Variants in TENM1 observed in about 807,000 individuals in gnomAD.
TENM1 encodes the protein teneurin-1.
A neutral mutation model predicts 174.8 loss-of-function variants in TENM1; 35 were observed. The ratio of observed to expected loss-of-function variants is 0.20; its 90% CI spans 0.15 to 0.27. The LOEUF (loss-of-function observed/expected upper bound fraction) is 0.27. Among genes scored for constraint, TENM1 ranks in the 10% least tolerant of loss-of-function variants. TENM1 has a pLI of 1.00. For missense variants in TENM1, 1,633 were observed against 2,130.1 expected (o/e 0.77, Z 4.59); for synonymous variants, 781 against 798.7 (o/e 0.98, Z 0.37).
At chrX:125,052,159 A>C in the TENM1 span, among the ~76,000 whole-genome samples, 2 of 111,936 alleles carry the variant, frequency 1.8e-5, no homozygotes, top group Non-Finnish European at 3.8e-5. Flanking sequence ...GTAGAATCTT[A>C]AAAGTGACAG....
the TENM1 span, among the ~76,000 whole-genome samples, chrX:125,198,110 T>C: frequency 4.5e-5 from 5 of 112,188 alleles, no homozygotes; most frequent in African/African-American, 1.6e-4. Flanking sequence ...TTCCTCATTG[T>C]TGACTACTTA....
chrX:124,891,948 A>G (rs2057482935), intron 3 of TENM1, among the ~76,000 whole-genome samples: 2 of 112,128 alleles, frequency 1.8e-5, no homozygotes, highest in South Asian at 7.4e-4. Flanking sequence ...TGAATAAATT[A>G]GACCCTTTCT....
chrX:124,688,502 C>G (rs2052430954), intron 5 of TENM1: 1 of 117,514 alleles, frequency 8.5e-6, no homozygotes, highest in Non-Finnish European at 1.8e-5. Flanking sequence ...GGACTCAGCT[C>G]CTTACAGGGG....
intron 4 of TENM1, among the ~76,000 whole-genome samples, chrX:124,731,637 T>G (rs1253510342): frequency 9.0e-6 from 1 of 111,273 alleles, no homozygotes; most frequent in Non-Finnish European, 1.9e-5. Context: ...CTACAACAGG[T>G]TAATAAAAGA....
chrX:124,845,492 A>T (rs1020749431), intron 3 of TENM1, among the ~76,000 whole-genome samples: 1 of 111,581 alleles, frequency 9.0e-6, no homozygotes, highest in Non-Finnish European at 1.9e-5. Context: ...ATTTGCAGAA[A>T]CTCTGCAATA....
At chrX:124,932,309 A>G (rs941179479) in intron 1 of TENM1, among the ~76,000 whole-genome samples, 1 of 112,378 alleles carries the variant, frequency 8.9e-6, no homozygotes, top group Non-Finnish European at 1.9e-5. Flanking sequence ...GGAATTTTAA[A>G]TGTAATTCAT....
chrX:124,894,775 C>T (rs138260506), intron 2 of TENM1, among the ~76,000 whole-genome samples: 19 of 111,619 alleles, frequency 1.7e-4, no homozygotes, highest in African/African-American at 5.9e-4. Context: ...TTTTTCCCAA[C>T]TGAAAGACGA....
At position 124,501,836 on chromosome X, in the gene TENM1, G is replaced by A. The variant is rs1172686269; in HGVS notation, c.3445+1724C>T. On this transcript the variant is annotated intron_variant, in intron 19 of 31. Transcript: ENST00000422452. The stretch of plus-strand genomic sequence containing the variant: ...CGAAAACATCCCAAGAGAGGTTTTC[G>A]TGTCCAAGGTCAGGCTGAAAGGCAG... 2.7e-5 allele frequency among the ~76,000 whole-genome samples: 3 copies of A among 111,738 alleles called. No individual in the cohort carries two copies. In the East Asian group the frequency reaches 8.5e-4, roughly 32 times the overall value.
chrX:124,673,218 G>A (rs1055408714), intron 5 of TENM1, among the ~76,000 whole-genome samples: 1 of 111,736 alleles, frequency 8.9e-6, no homozygotes, highest in African/African-American at 3.3e-5. Context: ...TGATGTATCT[G>A]AGGCAAAAGA....
chrX:125,183,276 G>T, the TENM1 span, among the ~76,000 whole-genome samples: 1 of 111,747 alleles, frequency 8.9e-6, no homozygotes, highest in Non-Finnish European at 1.9e-5. Flanking sequence ...CGGCACCTCA[G>T]AAGTAGGCAT....
intron 4 of TENM1, among the ~76,000 whole-genome samples, chrX:124,714,913 C>G (rs2148510569): frequency 9.0e-6 from 1 of 111,478 alleles, no homozygotes; most frequent in African/African-American, 3.2e-5. Flanking sequence ...CCCTTTCATT[C>G]TCCTTCCCCA....
Position 124,555,579 on chromosome X carries a change from G to A in TENM1, c.2434+6092C>T, listed in dbSNP as rs185521221. The stretch of plus-strand genomic sequence containing the variant: ...GAAGGATAAGGCATCATTTTGAAAA[G>A]AGTCCCTGTCAGAGCAACATGAATT... On this transcript the variant is annotated intron_variant, in intron 14 of 31. Transcript: ENST00000422452. 6.5e-4 allele frequency among the ~76,000 whole-genome samples: 73 copies of A among 111,699 alleles called. 1 individual carries two copies. The highest frequency in any genetic ancestry group is 2.3e-3 in the African/African-American group (70 of 30,800).
At chrX:124,715,061 G>A (rs765467074) in intron 4 of TENM1, among the ~76,000 whole-genome samples, 19 of 112,176 alleles carry the variant, frequency 1.7e-4, no homozygotes, top group South Asian at 7.3e-4. Context: ...TCAGGCCAAC[G>A]TATAAAAATT....
At chrX:125,140,392 C>T in the TENM1 span, among the ~76,000 whole-genome samples, 8 of 111,449 alleles carry the variant, frequency 7.2e-5, no homozygotes, top group African/African-American at 2.6e-4. Flanking sequence ...AAGTTGATCT[C>T]ATGGAGGTAC....
At chrX:125,062,024 C>T in the TENM1 span, among the ~76,000 whole-genome samples, 12 of 112,279 alleles carry the variant, frequency 1.1e-4, no homozygotes, top group Non-Finnish European at 9.4e-5. Flanking sequence ...TGCAGAGCTT[C>T]CAGCTCTAAC....
At chrX:124,411,788 T>C (rs1296362766) in intron 25 of TENM1, 1 of 112,386 alleles carries the variant, frequency 8.9e-6, no homozygotes, top group African/African-American at 3.2e-5. Flanking sequence ...TTTTGATTTC[T>C]TATAGCTTAC....
chrX:124,949,408 AG>A (rs2058450122), intron 1 of TENM1, among the ~76,000 whole-genome samples: 1 of 112,150 alleles, frequency 8.9e-6, no homozygotes, highest in Non-Finnish European at 1.9e-5. Flanking sequence ...AAAGTAAATA[AG>A]GCATAGTTCC....
At chrX:125,081,624 C>G in the TENM1 span, among the ~76,000 whole-genome samples, 87 of 111,232 alleles carry the variant, frequency 7.8e-4, no homozygotes, top group Non-Finnish European at 1.4e-3. Context: ...AAAAATAGAA[C>G]TACCATTGGA....
At chrX:124,531,868 G>A (rs1474216811) in intron 15 of TENM1, among the ~76,000 whole-genome samples, 1 of 112,201 alleles carries the variant, frequency 8.9e-6, no homozygotes, top group Non-Finnish European at 1.9e-5. Context: ...GAAAATAAAA[G>A]GACATCTCTG....
Sources: gnomAD v4.1 joint callset for allele counts (sites outside exome capture counted in the v4.1 genomes callset) on GRCh38, gnomAD v4.1.1 for gene constraint, MANE v1.5 for transcripts, NCBI Gene and HGNC (gene_info 2026-07-23, HGNC 2026-07-21) for gene names.